MEX3C: variants seen among roughly 807,000 people sequenced by gnomAD.
MEX3C encodes mex-3 RNA binding family member C.
MEX3C carries 15 observed loss-of-function variants against 35.5 expected under a neutral mutation model. The ratio of observed to expected loss-of-function variants is 0.42; its 90% CI spans 0.28 to 0.65. MEX3C has a LOEUF of 0.65. Among genes scored for constraint, MEX3C ranks in the 30% least tolerant of loss-of-function variants. The pLI is 0.20. For synonymous variants in MEX3C, 390 were observed against 352.8 expected, an observed-to-expected ratio of 1.11 and a Z score of -1.18; for missense variants, 711 against 842.8, an observed-to-expected ratio of 0.84 and a Z score of 1.94.
intron 1 of MEX3C, among the ~76,000 whole-genome samples, chr18:51,188,383 C>G (rs1599255280): frequency 1.3e-5 from 2 of 152,082 alleles, no homozygotes; most frequent in South Asian, 2.1e-4. Context: ...GGGTGGACTG[C>G]TTGAGCTCAG....
At chr18:51,195,485 A>G (rs189769420) in intron 1 of MEX3C, 1 of 152,336 alleles carries the variant, frequency 6.6e-6, no homozygotes, top group East Asian at 1.9e-4. Context: ...TGTGTACTTT[A>G]GACCACCTGG....
At chr18:51,189,420 T>A (rs1429473988) in intron 1 of MEX3C, among the ~76,000 whole-genome samples, 3 of 152,148 alleles carry the variant, frequency 2.0e-5, no homozygotes, top group Non-Finnish European at 4.4e-5. Context: ...CCTAAACCAA[T>A]GTTCTCTCAA....
intron 1 of MEX3C, among the ~76,000 whole-genome samples, chr18:51,179,513 A>C (rs1245087741): frequency 6.6e-6 from 1 of 152,182 alleles, no homozygotes. Flanking sequence ...TGAAAATCTG[A>C]AATGCTCCAG....
At chr18:51,184,089 T>C (rs1388608728) in intron 1 of MEX3C, among the ~76,000 whole-genome samples, 1 of 151,924 alleles carries the variant, frequency 6.6e-6, no homozygotes, top group Non-Finnish European at 1.5e-5. Context: ...AAGCAAACAA[T>C]GTATGTTGTA....
At chr18:51,179,957 A>T (rs571999350) in intron 1 of MEX3C, among the ~76,000 whole-genome samples, 8 of 152,356 alleles carry the variant, frequency 5.3e-5, no homozygotes, top group Admixed American at 2.6e-4. Flanking sequence ...TTACATTCCT[A>T]ACAAGAGACA....
chr18:51,176,257 TAAG>T lies in MEX3C; in HGVS notation c.*91_*93del, dbSNP rs1269525838. ...TCCCAATAAAGCCTGATAACAGTCA[TAAG>T]AAATCATTAGGAAGTTTACTGGGGG... On this transcript the variant is annotated 3_prime_UTR_variant, in exon 2 of 2. Coordinates refer to ENST00000406189, the MANE Select transcript of MEX3C (RefSeq NM_016626.5). 1.5e-5 allele frequency: 19 copies of T among 1,235,708 alleles called. No homozygotes were observed. The highest frequency in any genetic ancestry group is 2.1e-5 in the Non-Finnish European group (19 of 908,796). The allele number at this position is 1,235,708 out of a possible 1,614,324, so 76.5% of individuals were successfully genotyped here. A position where few individuals can be genotyped will look rare whatever the true frequency, so the allele number is the denominator to read the frequency against.
chr18:51,188,712 G>A (rs554645593), intron 1 of MEX3C, among the ~76,000 whole-genome samples: 26 of 152,080 alleles, frequency 1.7e-4, no homozygotes, highest in African/African-American at 6.3e-4. Context: ...AAGTTTATAA[G>A]AAAAAAATTT....
intron 1 of MEX3C, 55 bp downstream of exon 1, chr18:51,196,512 T>TC: frequency 2.0e-6 from 3 of 1,520,172 alleles, no homozygotes; most frequent in Non-Finnish European, 2.6e-6. Context: ...TTCTCTCGTC[T>TC]CCCCACCCAC....
rs988249811 is a variant in MEX3C at position 51,196,769 on chromosome 18, C to CGCCGCCGCCGCCGCG, written c.537_551dup (p.Ala180_Ala184dup). The CGCCGCCGCCGCCGCG allele has an allele frequency of 1.0e-5, 15 of 1,455,546 alleles. No individual in the cohort carries two copies. In the East Asian group the frequency reaches 1.9e-4, roughly 18 times the overall value. The allele number at this position is 1,455,546 out of a possible 1,614,324, so 90.2% of individuals were successfully genotyped here. A position where few individuals can be genotyped will look rare whatever the true frequency, so the allele number is the denominator to read the frequency against. On this transcript the variant is annotated inframe_insertion, in exon 1 of 2. Coordinates refer to ENST00000406189, the MANE Select transcript of MEX3C (RefSeq NM_016626.5). ...CATCGTCCCCTCCGTACAGCACCCC[C>CGCCGCCGCCGCCGCG]GCCGCCGCCGCCGCGGCCGCCGCCT...
chr18:51,188,869 T>C (rs1038532645), intron 1 of MEX3C, among the ~76,000 whole-genome samples: 1 of 152,246 alleles, frequency 6.6e-6, no homozygotes, highest in Non-Finnish European at 1.5e-5. Context: ...TACATGTTCA[T>C]GTACACATAG....
rs1308318597 is a variant in MEX3C, at chr18:51,197,136, G to A, written c.185C>T (p.Pro62Leu). The change falls in exon 1 of 2, where the codon CCG (proline) becomes CTG (leucine). Residue 62 changes from proline (P) to leucine (L), a missense_variant. Pro to Leu is a moderately conservative substitution (Grantham distance 98, BLOSUM62 -3). This residue lies in a region of MEX3C where 354 missense variants were observed against 311.6 expected (regional missense o/e 1.14). Coordinates refer to ENST00000406189, the MANE Select transcript of MEX3C (RefSeq NM_016626.5). The stretch of plus-strand genomic sequence containing the variant: ...AAGCGCCGGGGCGCCGGGCTCCGCC[G>A]GGCTGGGGTCGTCGAGGCCTAGCGC... ...LAALGLDDPS[P>L]AEPGAPALRA... is the part of the protein sequence containing the mutation. 22 of 1,085,582 alleles carry A rather than the reference G, an allele frequency of 2.0e-5. No individual in the cohort carries two copies. Among genetic ancestry groups the A allele is most frequent in the Non-Finnish European group, 2.3e-5 (21 of 899,382 alleles). 67.2% of individuals were successfully genotyped at this position (1,085,582 alleles called of 1,614,324 possible). A position where few individuals can be genotyped will look rare whatever the true frequency, so the allele number is the denominator to read the frequency against.
intron 1 of MEX3C, among the ~76,000 whole-genome samples, chr18:51,180,040 G>A (rs1410669603): frequency 6.6e-6 from 1 of 152,044 alleles, no homozygotes; most frequent in Non-Finnish European, 1.5e-5. Context: ...AGGGTCTAGG[G>A]TTGGTCCCTT....
chr18:51,183,884 A>G (rs1912480031), intron 1 of MEX3C, among the ~76,000 whole-genome samples: 1 of 152,186 alleles, frequency 6.6e-6, no homozygotes, highest in African/African-American at 2.4e-5. Context: ...CTGGAGTCCT[A>G]GCTATATGGG....
At chr18:51,189,589 A>G (rs1599255955) in intron 1 of MEX3C, among the ~76,000 whole-genome samples, 1 of 152,330 alleles carries the variant, frequency 6.6e-6, no homozygotes. Context: ...AATAAAAAAT[A>G]TTTAATGAAA....
intron 1 of MEX3C, among the ~76,000 whole-genome samples, chr18:51,179,113 C>T (rs1912368667): frequency 6.6e-6 from 1 of 151,666 alleles, no homozygotes; most frequent in Admixed American, 6.6e-5. Context: ...CAGTGATTCT[C>T]CTGCCCCAGC....
At chr18:51,188,659 T>G (rs1453180848) in intron 1 of MEX3C, among the ~76,000 whole-genome samples, 2 of 151,708 alleles carry the variant, frequency 1.3e-5, no homozygotes, top group Non-Finnish European at 2.9e-5. Flanking sequence ...AAACCCCAAT[T>G]AAAACAATAT....
At position 51,196,392 on chromosome 18, in the gene MEX3C, T is replaced by C. The variant is rs1383184725; in HGVS notation, c.754+175A>G. 6.6e-6 allele frequency: 9 copies of C among 1,368,074 alleles called. No individual in the cohort carries two copies. The South Asian group carries it at 1.2e-4, about 19-fold the overall frequency. The allele number at this position is 1,368,074 out of a possible 1,614,324, so 84.7% of individuals were successfully genotyped here. On this transcript the variant is annotated intron_variant, in intron 1 of 1. Coordinates refer to ENST00000406189, the MANE Select transcript of MEX3C (RefSeq NM_016626.5). ...GCAAGACGGGCGGAAAAGCGTGGGTTTTCGCAAGGTGACCCATCTTCACAT... is the reference window on the plus strand; with the variant it reads ...GCAAGACGGGCGGAAAAGCGTGGGTCTTCGCAAGGTGACCCATCTTCACAT...
chr18:51,191,439 G>T (rs537579699), intron 1 of MEX3C, among the ~76,000 whole-genome samples: 1 of 152,112 alleles, frequency 6.6e-6, no homozygotes, highest in Admixed American at 6.6e-5. Context: ...GAGCCCCTAT[G>T]AACAAGAAAT....
chr18:51,189,760 C>G (rs1202852958), intron 1 of MEX3C, among the ~76,000 whole-genome samples: 2 of 152,004 alleles, frequency 1.3e-5, no homozygotes, highest in African/African-American at 4.8e-5. Context: ...TGTCTGGGTA[C>G]CATACAATGG....
Sources: gnomAD v4.1 joint callset for allele counts (sites outside exome capture counted in the v4.1 genomes callset) on GRCh38, gnomAD v4.1.1 for gene constraint, gnomAD v4.1.1 regional missense constraint, MANE v1.5 for transcripts, NCBI Gene and HGNC (gene_info 2026-07-23, HGNC 2026-07-21) for gene names.